The following DIS3L2 variants were observed in gnomAD, a reference collection of about 807,000 sequenced individuals.
The protein encoded by DIS3L2 is DIS3 like 3'-5' exoribonuclease 2.
In DIS3L2, 34 loss-of-function variants were observed where a neutral mutation model predicts 97.5. The ratio of observed to expected loss-of-function variants is 0.35; its 90% CI spans 0.27 to 0.46. The LOEUF (loss-of-function observed/expected upper bound fraction) is 0.46, where lower values mean the gene tolerates loss of function less well. DIS3L2 is among the 20% of genes least tolerant of loss of function. DIS3L2 has a pLI of 1.00. For missense variants in DIS3L2, 1,038 were observed against 1,146.0 expected, an observed-to-expected ratio of 0.91 and a Z score of 1.36; for synonymous variants, 435 against 445.2, an observed-to-expected ratio of 0.98 and a Z score of 0.29.
intron 1 of DIS3L2, among the ~76,000 whole-genome samples, chr2:232,000,841 A>G (rs1013880785): frequency 6.0e-5 from 9 of 149,006 alleles, no homozygotes; most frequent in Non-Finnish European, 8.9e-5. Flanking sequence ...TGCTGGGACT[A>G]CAGGCATGAG....
At chr2:232,186,947 C>T (rs1376336206) in intron 9 of DIS3L2, among the ~76,000 whole-genome samples, 1 of 152,118 alleles carries the variant, frequency 6.6e-6, no homozygotes. Context: ...ACAAATTGGA[C>T]TTCATCAAAA....
At chr2:232,120,633 A>G (rs1697871064) in intron 6 of DIS3L2, among the ~76,000 whole-genome samples, 1 of 152,010 alleles carries the variant, frequency 6.6e-6, no homozygotes, top group South Asian at 2.1e-4. Flanking sequence ...CTCCCCTGGC[A>G]TTGTGGAACA....
At chr2:232,329,785 T>TCCCGGGGGGGGGGCCCCCC in intron 14 of DIS3L2, 28 bp from the exon 15 acceptor site, 10 of 967,130 alleles carry the variant, frequency 1.0e-5, no homozygotes, top group Admixed American at 3.4e-5. Flanking sequence ...ACCCCAGCGG[T>TCCCGGGGGGGGGGCCCCCC]CCCTCCCATC....
intron 11 of DIS3L2, among the ~76,000 whole-genome samples, chr2:232,238,866 A>G (rs150772977): frequency 1.3e-5 from 2 of 152,306 alleles, no homozygotes; most frequent in South Asian, 2.1e-4. Context: ...CTTTCAAACG[A>G]TTGTTCTAAA....
At chr2:232,264,773 T>C (rs1442297430) in intron 13 of DIS3L2, among the ~76,000 whole-genome samples, 1 of 152,246 alleles carries the variant, frequency 6.6e-6, no homozygotes, top group African/African-American at 2.4e-5. Flanking sequence ...CAAATGCTTC[T>C]AAGCAGGCAT....
chr2:232,239,883 C>T (rs929315211), intron 11 of DIS3L2, among the ~76,000 whole-genome samples: 4 of 152,266 alleles, frequency 2.6e-5, no homozygotes, highest in African/African-American at 9.6e-5. Context: ...ACCCTGAAAA[C>T]TAACCTCTCA....
intron 6 of DIS3L2, among the ~76,000 whole-genome samples, chr2:232,124,365 T>C (rs1697994783): frequency 6.6e-6 from 1 of 152,172 alleles, no homozygotes; most frequent in South Asian, 2.1e-4. Flanking sequence ...CAAAAAATCC[T>C]TCTAGAAATA....
intron 18 of DIS3L2, 53 bp downstream of exon 18, chr2:232,334,552 G>A: frequency 1.2e-6 from 2 of 1,607,914 alleles, no homozygotes; most frequent in South Asian, 1.1e-5. Context: ...CGACCCTCCT[G>A]GGCACCTGCT....
chr2:232,166,773 C>A (rs1007430859), intron 9 of DIS3L2, among the ~76,000 whole-genome samples: 3 of 151,706 alleles, frequency 2.0e-5, no homozygotes, highest in African/African-American at 2.4e-5. Flanking sequence ...ATAATCCCAG[C>A]ATTTGGGGAG....
At chr2:232,278,120 T>C (rs896526905) in intron 13 of DIS3L2, among the ~76,000 whole-genome samples, 7 of 152,174 alleles carry the variant, frequency 4.6e-5, no homozygotes, top group African/African-American at 1.7e-4. Context: ...GTTAATACGA[T>C]AGATTGGAAA....
chr2:232,166,688 C>T (rs1378371567), intron 9 of DIS3L2, among the ~76,000 whole-genome samples: 1 of 151,752 alleles, frequency 6.6e-6, no homozygotes, highest in African/African-American at 2.4e-5. Flanking sequence ...TGCAATCCAG[C>T]GTGGCGACAG....
chr2:232,130,795 C>T (rs2106350303), intron 7 of DIS3L2, 76 bp downstream of exon 7: 1 of 1,556,904 alleles, frequency 6.4e-7, no homozygotes, highest in Non-Finnish European at 8.7e-7. Context: ...TCGTGTGATT[C>T]AGTCAGGACT....
At chr2:232,043,825 T>A (rs899396512) in intron 5 of DIS3L2, among the ~76,000 whole-genome samples, 1 of 152,204 alleles carries the variant, frequency 6.6e-6, no homozygotes, top group African/African-American at 2.4e-5. Flanking sequence ...AGTTTATCAT[T>A]CATAGTAGTA....
intron 1 of DIS3L2, among the ~76,000 whole-genome samples, chr2:231,985,952 T>C (rs1693400219): frequency 6.6e-6 from 1 of 152,172 alleles, no homozygotes. Flanking sequence ...ACCATCCAAT[T>C]GGCTGCCAGT....
chr2:232,027,941 G>A (rs1694705223), intron 4 of DIS3L2, among the ~76,000 whole-genome samples: 1 of 152,138 alleles, frequency 6.6e-6, no homozygotes, highest in African/African-American at 2.4e-5. Flanking sequence ...TGATCAGATG[G>A]AAAAACCTGT....
At chr2:232,162,176 A>G (rs886239737) in intron 8 of DIS3L2, among the ~76,000 whole-genome samples, 5 of 152,008 alleles carry the variant, frequency 3.3e-5, no homozygotes, top group Non-Finnish European at 7.4e-5. Context: ...TTTTTCTCTC[A>G]TATTTTTGCT....
intron 9 of DIS3L2, among the ~76,000 whole-genome samples, chr2:232,207,014 T>G (rs1284005463): frequency 6.6e-6 from 1 of 152,202 alleles, no homozygotes; most frequent in African/African-American, 2.4e-5. Context: ...AATTAAAACT[T>G]CCTAGTCAAC....
intron 9 of DIS3L2, among the ~76,000 whole-genome samples, chr2:232,177,240 A>G (rs1442571593): frequency 7.0e-6 from 1 of 143,810 alleles, no homozygotes; most frequent in African/African-American, 2.6e-5. Context: ...AGTCTTTGCT[A>G]TTGTGAATAA....
intron 9 of DIS3L2, among the ~76,000 whole-genome samples, chr2:232,167,984 G>T (rs549472781): frequency 1.1e-4 from 16 of 152,232 alleles, no homozygotes; most frequent in African/African-American, 3.6e-4. Context: ...GGAGGCAGAG[G>T]TTACAGTGAG....
Sources: gnomAD v4.1 joint callset for allele counts (sites outside exome capture counted in the v4.1 genomes callset) on GRCh38, gnomAD v4.1.1 for gene constraint, MANE v1.5 for transcripts, NCBI Gene and HGNC (gene_info 2026-07-23, HGNC 2026-07-21) for gene names.